Variants in NAPSA observed in about 807,000 individuals in gnomAD.
The protein encoded by NAPSA is napsin A aspartic peptidase.
In NAPSA, 37 loss-of-function variants were observed where a neutral mutation model predicts 36.7. That is an observed-to-expected ratio of 1.01 (90% CI 0.78 to 1.33). NAPSA has a LOEUF of 1.33. Among genes scored for constraint, NAPSA ranks in the 40% most tolerant of loss-of-function variants. The probability of loss-of-function intolerance (pLI) is 0.00; values close to 1 mark genes in which losing one functional copy is unlikely to be tolerated. For missense variants in NAPSA, 532 were observed against 543.8 expected, an observed-to-expected ratio of 0.98 and a Z score of 0.21; for synonymous variants, 222 against 234.5, an observed-to-expected ratio of 0.95 and a Z score of 0.49.
At chr19:50,359,906 G>A (rs1322286451) in intron 5 of NAPSA, 44 bp from the exon 6 acceptor site, 1 of 1,591,280 alleles carries the variant, frequency 6.3e-7, no homozygotes, top group South Asian at 1.1e-5. Flanking sequence ...AGTGTCACTG[G>A]CCCTCCCTCA....
chr19:50,365,186 T>C (rs1422867400), intron 1 of NAPSA, among the ~76,000 whole-genome samples: 1 of 150,282 alleles, frequency 6.7e-6, no homozygotes, highest in African/African-American at 2.5e-5. Context: ...ATACAAAAAT[T>C]AGCTGAGCAT....
rs2037450314 is a variant in NAPSA, at chr19:50,359,872, C to T, written c.669-10G>A. The T allele has an allele frequency of 2.5e-6, 4 of 1,613,076 alleles. No homozygotes were observed. Among genetic ancestry groups the T allele is most frequent in the Non-Finnish European group, 3.4e-6 (4 of 1,179,476 alleles). On this transcript the variant is annotated splice_polypyrimidine_tract_variant and intron_variant, in intron 5 of 8. Transcript: ENST00000253719. ...AGGCTCTTCAGGGTCCCTGCAGGGG[C>T]AGAGTGTAGAGAGTGTAGATGTCAG...
upstream of NAPSA, chr19:50,365,747 TGACGCAGTGG>T (rs548695280): frequency 4.5e-3 from 3,308 of 729,358 alleles, 13 homozygotes; most frequent in Non-Finnish European, 6.3e-3. Context: ...TGTCCGCAGG[TGACGCAGTGG>T]GACAAGGATG....
rs2037426066 is a variant in NAPSA at position 50,358,630 on chromosome 19, C to A, written c.1186G>T (p.Val396Leu). ...DRGDMKSSAR[V>L]GLARARTRGA... ...CGAGTGCGAGCGCGCGCCAGGCCCA[C>A]CCGGGCGCTGCTCTTCATGTCCCCG... The change falls in exon 9 of 9, where the codon GTG becomes TTG. Residue 396 changes from valine to leucine, a missense_variant. Val to Leu is a conservative substitution (Grantham distance 32, BLOSUM62 1). Coordinates refer to ENST00000253719, the MANE Select transcript of NAPSA (RefSeq NM_004851.3). 1 of 1,612,702 alleles carries A rather than the reference C, an allele frequency of 6.2e-7. No homozygotes were observed. The highest frequency in any genetic ancestry group is 1.1e-5 in the South Asian group (1 of 91,054).
upstream of NAPSA, among the ~76,000 whole-genome samples, chr19:50,368,392 T>C (rs1026900371): frequency 1.3e-5 from 2 of 151,816 alleles, no homozygotes; most frequent in Non-Finnish European, 2.9e-5. Context: ...CTGGGGAAGG[T>C]GAGGCTGGAG....
intron 1 of NAPSA, 115 bp from the exon 2 acceptor site, chr19:50,362,428 G>C (rs1376403020): frequency 3.2e-5 from 30 of 927,346 alleles, no homozygotes; most frequent in Non-Finnish European, 4.5e-5. Flanking sequence ...TACAATAGTA[G>C]TCAGTACCAG....
intron 1 of NAPSA, among the ~76,000 whole-genome samples, chr19:50,363,407 G>T (rs901280266): frequency 1.3e-5 from 2 of 152,030 alleles, no homozygotes; most frequent in African/African-American, 2.4e-5. Flanking sequence ...TTGAAACAGG[G>T]TCTCCCTCTG....
In NAPSA at chr19:50,365,624, C is replaced by G. The variant is rs532930760; in HGVS notation, c.-3G>C. 1 of 1,604,388 alleles carries G rather than the reference C, an allele frequency of 6.2e-7. No homozygotes were observed. The highest frequency in any genetic ancestry group is 1.1e-5 in the South Asian group (1 of 90,178). ...TGCAGCAGCGGTGGTGGAGACATCGCTGGGGACCTGGGTGTGAACCCAGGT... is the reference window on the plus strand; with the variant it reads ...TGCAGCAGCGGTGGTGGAGACATCGGTGGGGACCTGGGTGTGAACCCAGGT... On this transcript the variant is annotated 5_prime_UTR_variant, in exon 1 of 9. Transcript: ENST00000253719.
intron 5 of NAPSA, 152 bp downstream of exon 5, chr19:50,360,789 T>G (rs552243093): frequency 1.4e-6 from 1 of 736,774 alleles, no homozygotes; most frequent in African/African-American, 1.8e-5. Flanking sequence ...AGGATGCAAC[T>G]TCTTGTATTG....
At chr19:50,366,959 A>G (rs2037556633), upstream of NAPSA, among the ~76,000 whole-genome samples, 1 of 151,604 alleles carries the variant, frequency 6.6e-6, no homozygotes, top group African/African-American at 2.4e-5. Context: ...TCAGCCTCCC[A>G]AGTAGCTGGG....
At chr19:50,366,052 T>C (rs1263023500), upstream of NAPSA, 1 of 155,766 alleles carries the variant, frequency 6.4e-6, no homozygotes, top group African/African-American at 2.4e-5. Context: ...ATTAGACACC[T>C]GCCCTCACAT....
At position 50,358,794 on chromosome 19, in the gene NAPSA, A is replaced by C; in HGVS notation, c.1036-14T>G. 13 of 1,597,820 alleles carry C rather than the reference A, an allele frequency of 8.1e-6. No individual in the cohort carries two copies. The highest frequency in any genetic ancestry group is 1.1e-5 in the Non-Finnish European group (13 of 1,171,372). ...ATTTCGAGTAGTCTGCAAGGCAACA[A>C]GACGACAACTGGGTGTCGCGGCCAC... On this transcript the variant is annotated splice_polypyrimidine_tract_variant and intron_variant, in intron 8 of 8. Transcript: ENST00000253719.
At chr19:50,366,633 TG>T (rs569345212), upstream of NAPSA, among the ~76,000 whole-genome samples, 124 of 151,782 alleles carry the variant, frequency 8.2e-4, no homozygotes, top group Middle Eastern at 3.4e-3. Flanking sequence ...CATTGGTGGC[TG>T]GGCATTGATG....
At chr19:50,364,138 T>TACAA (rs2037510874) in intron 1 of NAPSA, among the ~76,000 whole-genome samples, 1 of 150,194 alleles carries the variant, frequency 6.7e-6, no homozygotes, top group Non-Finnish European at 1.5e-5. Context: ...GCCAACATGG[T>TACAA]GAAACCTCAT....
intron 4 of NAPSA, 92 bp downstream of exon 4, chr19:50,361,571 A>G: frequency 3.6e-6 from 4 of 1,102,200 alleles, no homozygotes; most frequent in Admixed American, 1.8e-5. Context: ...TTGGCTTGGG[A>G]AGCTCCTCCT....
At chr19:50,365,760 C>T (rs140476734), upstream of NAPSA, 2 of 662,094 alleles carry the variant, frequency 3.0e-6, no homozygotes. Flanking sequence ...CGCAGTGGGA[C>T]AAGGATGTTT....
At position 50,365,550 on chromosome 19, in the gene NAPSA, G is replaced by A; in HGVS notation, c.72C>T (p.Ala24=). Residue 24 remains alanine (A), a synonymous_variant, in exon 1 of 9, where the codon GCC becomes GCT. Transcript: ENST00000253719. The part of the protein sequence containing the change: ...LPLLNVEPSG[A]TLIRIPLHRV... ...TGGGGTCACCATACCGGATCAGTGT[G>A]GCCCCGGAAGGCTCCACATTCAGCA... 6.2e-7 allele frequency: 1 copy of A among 1,613,574 alleles called. No individual in the cohort carries two copies.
At chr19:50,359,363 A>C in intron 7 of NAPSA, 140 bp downstream of exon 7, 1 of 1,174,738 alleles carries the variant, frequency 8.5e-7, no homozygotes, top group East Asian at 2.5e-5. Flanking sequence ...ACCACCCTCC[A>C]GACTATCTGT....
chr19:50,362,175 C>T lies in NAPSA; in HGVS notation c.222G>A (p.Arg74=), dbSNP rs1217183359. ...GCTGTGTGGGGCTGTGACTCACATCCCTGTAGTTCGAGAGAGGTACGAAGA... is the reference window on the plus strand; with the variant it reads ...GCTGTGTGGGGCTGTGACTCACATCTCTGTAGTTCGAGAGAGGTACGAAGA... ...KPIFVPLSNY[R]DVQYFGEIGL... is the part of the protein sequence containing the mutation. The change falls in exon 2 of 9, where the codon AGG becomes AGA. Residue 74 remains arginine, a synonymous_variant. Coordinates refer to ENST00000253719, the MANE Select transcript of NAPSA (RefSeq NM_004851.3). 1 of 1,612,944 alleles carries T rather than the reference C, an allele frequency of 6.2e-7. No individual in the cohort carries two copies. Among genetic ancestry groups the T allele is most frequent in the South Asian group, 1.1e-5 (1 of 90,956 alleles).
Sources: gnomAD v4.1 joint callset for allele counts (sites outside exome capture counted in the v4.1 genomes callset) on GRCh38, gnomAD v4.1.1 for gene constraint, MANE v1.5 for transcripts, NCBI Gene and HGNC (gene_info 2026-07-23, HGNC 2026-07-21) for gene names.